TAOK3: variants seen among roughly 807,000 people sequenced by gnomAD.
TAOK3 encodes TAO kinase 3.
TAOK3 carries 40 observed loss-of-function variants against 120.4 expected under a neutral mutation model. That is an observed-to-expected ratio of 0.33 (90% CI 0.26 to 0.43). The LOEUF (loss-of-function observed/expected upper bound fraction) is 0.43. Among genes scored for constraint, TAOK3 ranks in the 20% least tolerant of loss-of-function variants. The probability of loss-of-function intolerance (pLI) is 1.00; values close to 1 mark genes in which losing one functional copy is unlikely to be tolerated. For synonymous variants in TAOK3, 355 were observed against 387.5 expected, an observed-to-expected ratio of 0.92 and a Z score of 0.99; for missense variants, 821 against 1,112.1, an observed-to-expected ratio of 0.74 and a Z score of 3.72.
In TAOK3 at chr12:118,333,018, A is replaced by G. The variant is rs148336331; in HGVS notation, c.-194+39630T>C. Among the ~76,000 whole-genome samples, 147 of 151,178 alleles carry G rather than the reference A, an allele frequency of 9.7e-4. 1 individual carries two copies. Among genetic ancestry groups the G allele is most frequent in the African/African-American group, 3.2e-3 (133 of 41,072 alleles). ...CACAGATAGAGCTAAAAGAGAAAATAGACAAATCTATAGTTATGCTTGGGG... is the reference window on the plus strand; with the variant it reads ...CACAGATAGAGCTAAAAGAGAAAATGGACAAATCTATAGTTATGCTTGGGG... On this transcript the variant is annotated intron_variant, in intron 1 of 20. Coordinates refer to ENST00000392533, the MANE Select transcript of TAOK3 (RefSeq NM_016281.4).
intron 3 of TAOK3, among the ~76,000 whole-genome samples, chr12:118,254,679 T>C (rs2040903767): frequency 6.6e-6 from 1 of 152,052 alleles, no homozygotes; most frequent in South Asian, 2.1e-4. Context: ...GGTGGGGTAA[T>C]AGCACATATA....
At chr12:118,317,032 G>T (rs898148978) in intron 1 of TAOK3, among the ~76,000 whole-genome samples, 5 of 152,036 alleles carry the variant, frequency 3.3e-5, no homozygotes, top group African/African-American at 1.2e-4. Flanking sequence ...GGAGGCCAAG[G>T]TGGGTGGATT....
intron 1 of TAOK3, among the ~76,000 whole-genome samples, chr12:118,279,950 A>G (rs1387142678): frequency 6.6e-6 from 1 of 151,228 alleles, no homozygotes; most frequent in East Asian, 1.9e-4. Flanking sequence ...TATTTTTAGT[A>G]GAGATGGGGT....
intron 1 of TAOK3, among the ~76,000 whole-genome samples, chr12:118,280,788 A>T (rs968063475): frequency 6.6e-6 from 1 of 152,232 alleles, no homozygotes; most frequent in Non-Finnish European, 1.5e-5. Flanking sequence ...TGCTTTGGGC[A>T]GTATGGCCAT....
chr12:118,326,258 G>A (rs1167273017), intron 1 of TAOK3, among the ~76,000 whole-genome samples: 1 of 152,126 alleles, frequency 6.6e-6, no homozygotes. Context: ...ATTTATTGAA[G>A]AGATTATCCT....
intron 2 of TAOK3, among the ~76,000 whole-genome samples, chr12:118,261,886 C>T (rs1265066760): frequency 1.3e-5 from 2 of 151,956 alleles, no homozygotes; most frequent in East Asian, 3.9e-4. Flanking sequence ...CACAGTCTTA[C>T]TCTGCCCTCT....
intron 12 of TAOK3, chr12:118,199,494 G>A: frequency 1.8e-6 from 1 of 552,498 alleles, no homozygotes; most frequent in Non-Finnish European, 3.3e-6. Flanking sequence ...GGCTCCAAAT[G>A]CTGCCATCCC....
chr12:118,219,853 A>G (rs886606818), intron 9 of TAOK3, among the ~76,000 whole-genome samples: 3 of 137,830 alleles, frequency 2.2e-5, no homozygotes, highest in African/African-American at 5.5e-5. Context: ...GGCTCAAGCG[A>G]TCTGCCCGCC....
intron 1 of TAOK3, among the ~76,000 whole-genome samples, chr12:118,354,201 A>G (rs891877257): frequency 1.3e-5 from 2 of 152,182 alleles, no homozygotes; most frequent in African/African-American, 4.8e-5. Flanking sequence ...TATATACATA[A>G]CTACAATGAA....
At position 118,160,728 on chromosome 12, in the gene TAOK3, A is replaced by G. The variant is rs1460715631; in HGVS notation, c.2140-370T>C. Among the ~76,000 whole-genome samples the G allele has an allele frequency of 1.3e-5, 2 of 151,950 alleles. No individual in the cohort carries two copies. Among genetic ancestry groups the G allele is most frequent in the Non-Finnish European group, 2.9e-5 (2 of 67,970 alleles). ...GACACTTCAGTGTCTTCCATTGTTC[A>G]TTGTTTTTCCCCCCTTTTTTTTTGT... On this transcript the variant is annotated intron_variant, in intron 18 of 20. Transcript: ENST00000392533. The surrounding 1 kb of genome is among the most constrained non-coding windows in gnomAD (Gnocchi z 4.2).
rs369814549 is a variant in TAOK3, at chr12:118,161,913, T to A, written c.2014A>T (p.Met672Leu). 6.2e-7 allele frequency: 1 copy of A among 1,614,096 alleles called. No homozygotes were observed. The highest frequency in any genetic ancestry group is 1.3e-5 in the African/African-American group (1 of 74,928). The change falls in exon 18 of 21, where the codon ATG becomes TTG. Residue 672 changes from methionine (M) to leucine (L), a missense_variant. Physicochemically the swap from Met to Leu is conservative, Grantham distance 15 (BLOSUM62 2). Around this residue, in one of 2 missense-constraint regions of TAOK3, gnomAD observed 354 missense variants for 572.1 expected, o/e 0.62. Transcript: ENST00000392533. This position sits in a 1 kb window ranked among gnomAD's most constrained non-coding sequence, Gnocchi z 4.5. ...TGGTGCTGTAAACGGATCAGATCCA[T>A]GCGTAGCTTCTGTAACGTGTGCAGC... ...RQLHTLQKLRMDLIRLQHQTE... is the reference protein window; with the variant it reads ...RQLHTLQKLRLDLIRLQHQTE...
intron 3 of TAOK3, 40 bp from the exon 4 acceptor site, chr12:118,245,005 G>T: frequency 7.3e-7 from 1 of 1,376,314 alleles, no homozygotes; most frequent in Non-Finnish European, 1.0e-6. Flanking sequence ...AAGAATTAGT[G>T]ATGTTTCAGC....
At chr12:118,197,939 G>A (rs937672750) in intron 13 of TAOK3, among the ~76,000 whole-genome samples, 16 of 152,010 alleles carry the variant, frequency 1.1e-4, no homozygotes, top group African/African-American at 3.9e-4. Flanking sequence ...CGCCCACCTC[G>A]GCCATTGCGC....
intron 1 of TAOK3, among the ~76,000 whole-genome samples, chr12:118,306,075 A>AT (rs1398407596): frequency 2.6e-5 from 4 of 151,998 alleles, no homozygotes; most frequent in African/African-American, 7.2e-5. Context: ...ATTCTGTGTC[A>AT]TTTTTTCTGG....
intron 1 of TAOK3, among the ~76,000 whole-genome samples, chr12:118,286,861 A>G (rs867768893): frequency 1.9e-4 from 29 of 152,252 alleles, no homozygotes; most frequent in African/African-American, 7.0e-4. Context: ...ACTGTGGTAT[A>G]TATATTTAAT....
Position 118,320,677 on chromosome 12 carries a change from C to T in TAOK3, c.-194+51971G>A, listed in dbSNP as rs538833980. ...AGAAACAAAAAACAAAAAGGACTTC[C>T]AGTTAGCACACTGCTTTATACAACT... is the stretch of plus-strand genomic sequence containing the variant. On this transcript the variant is annotated intron_variant, in intron 1 of 20. Transcript: ENST00000392533. Among the ~76,000 whole-genome samples the T allele has an allele frequency of 2.6e-5, 4 of 152,188 alleles. No homozygotes were observed. In the East Asian group the frequency reaches 7.7e-4, roughly 29 times the overall value.
At chr12:118,342,746 C>T (rs978105586) in intron 1 of TAOK3, among the ~76,000 whole-genome samples, 24 of 152,082 alleles carry the variant, frequency 1.6e-4, no homozygotes, top group African/African-American at 5.5e-4. Flanking sequence ...CCAGCCAGGG[C>T]AACATGGAGA....
intron 14 of TAOK3, among the ~76,000 whole-genome samples, chr12:118,188,899 G>C (rs2037237141): frequency 6.6e-6 from 1 of 151,558 alleles, no homozygotes; most frequent in African/African-American, 2.4e-5. Context: ...AGAGAGTTTA[G>C]AGTGCCAAGG....
At chr12:118,285,034 GTCTT>G (rs1242992401) in intron 1 of TAOK3, among the ~76,000 whole-genome samples, 2 of 149,826 alleles carry the variant, frequency 1.3e-5, no homozygotes, top group South Asian at 2.1e-4. Context: ...CAAGCCCCTT[GTCTT>G]TCTATGGGAA....
Sources: gnomAD v4.1 joint callset for allele counts (sites outside exome capture counted in the v4.1 genomes callset) on GRCh38, gnomAD v4.1.1 for gene constraint, gnomAD v4.1.1 regional missense constraint, Gnocchi (gnomAD v3.1) non-coding constraint, MANE v1.5 for transcripts, NCBI Gene and HGNC (gene_info 2026-07-23, HGNC 2026-07-21) for gene names.